SMG5: variants seen among roughly 807,000 people sequenced by gnomAD.
SMG5 encodes SMG5 nonsense mediated mRNA decay factor, also known as nonsense-mediated mRNA decay factor SMG5.
A neutral mutation model predicts 122.9 loss-of-function variants in SMG5; 53 were observed. That is an observed-to-expected ratio of 0.43 (90% confidence interval 0.35 to 0.54). SMG5 has a LOEUF of 0.54. SMG5 is among the 20% of genes least tolerant of loss of function. The pLI is 0.01. For missense variants in SMG5, 1,153 were observed against 1,285.6 expected, an observed-to-expected ratio of 0.90 and a Z score of 1.58; for synonymous variants, 477 against 490.2, an observed-to-expected ratio of 0.97 and a Z score of 0.35.
At chr1:156,254,499 A>G (rs1661488594) in intron 16 of SMG5, among the ~76,000 whole-genome samples, 2 of 152,132 alleles carry the variant, frequency 1.3e-5, no homozygotes, top group African/African-American at 4.8e-5. Flanking sequence ...GCTGGAGTGC[A>G]GTGCCACAAT....
At chr1:156,276,540 T>C (rs1039381042) in intron 4 of SMG5, among the ~76,000 whole-genome samples, 2 of 152,164 alleles carry the variant, frequency 1.3e-5, no homozygotes, top group African/African-American at 4.8e-5. Flanking sequence ...GTCTTGGTGA[T>C]GAAGGGGACA....
Position 156,277,942 on chromosome 1 carries a change from T to C in SMG5, c.280A>G (p.Ile94Val), listed in dbSNP as rs763394947. 6.2e-6 allele frequency: 10 copies of C among 1,613,988 alleles called. No homozygotes were observed. The highest frequency in any genetic ancestry group is 4.0e-5 in the African/African-American group (3 of 74,944). ...RKVYYEVIQL[I>V]KTNKKHIHSR... ...CCCCTTACCTTTTTGTTAGTCTTGA[T>C]AAGCTGGATAACTTCATAGTATACC... Residue 94 changes from isoleucine (I) to valine (V), a missense_variant, in exon 3 of 22, where the codon ATC becomes GTC. Ile to Val is a conservative substitution (Grantham distance 29). This residue lies in a region of SMG5 where 213 missense variants were observed against 197.5 expected (regional missense o/e 1.08). Transcript: ENST00000361813.
At chr1:156,264,757 G>T (rs12058368) in intron 12 of SMG5, among the ~76,000 whole-genome samples, 1 of 152,066 alleles carries the variant, frequency 6.6e-6, no homozygotes, top group Non-Finnish European at 1.5e-5. Flanking sequence ...TAGGTGTGGC[G>T]GCTCACACCT....
upstream of SMG5, chr1:156,285,894 C>T (rs368037092): frequency 4.1e-5 from 66 of 1,613,864 alleles, no homozygotes; most frequent in Middle Eastern, 1.6e-4. Flanking sequence ...GCCTTCCTGC[C>T]GTTTGATGTC....
intron 1 of SMG5, among the ~76,000 whole-genome samples, chr1:156,281,753 T>C (rs1314757736): frequency 6.6e-6 from 1 of 152,174 alleles, no homozygotes; most frequent in Admixed American, 6.5e-5. Context: ...CTTCATCCTA[T>C]TTTGACCCAG....
intron 16 of SMG5, 55 bp from the exon 17 acceptor site, chr1:156,253,563 T>C: frequency 1.3e-6 from 2 of 1,556,018 alleles, no homozygotes; most frequent in Non-Finnish European, 1.8e-6. Context: ...CCTTCTCCAG[T>C]GATCAGGAAG....
At chr1:156,265,639 C>G in intron 12 of SMG5, 142 bp downstream of exon 12, 2 of 1,276,170 alleles carry the variant, frequency 1.6e-6, no homozygotes, top group Non-Finnish European at 2.2e-6. Flanking sequence ...GGAAAAAACT[C>G]ATGGGCTACA....
At chr1:156,290,901 G>C in the SMG5 span, 2 of 156,152 alleles carry the variant, frequency 1.3e-5, no homozygotes, top group African/African-American at 4.8e-5. Flanking sequence ...TGCCTGGGGT[G>C]GGGGTGGGGG....
At chr1:156,275,727 CT>C (rs5777974) in intron 4 of SMG5, among the ~76,000 whole-genome samples, 1 of 151,474 alleles carries the variant, frequency 6.6e-6, no homozygotes, top group African/African-American at 2.4e-5. Flanking sequence ...TTGAAGTGAT[CT>C]TTTTTTTAAA....
chr1:156,260,468 G>C lies in SMG5; in HGVS notation c.2266C>G (p.Leu756Val). The C allele has an allele frequency of 6.3e-7, 1 of 1,597,468 alleles. No homozygotes were observed. The highest frequency in any genetic ancestry group is 1.1e-5 in the South Asian group (1 of 88,370). Residue 756 changes from leucine to valine, a missense_variant, in exon 15 of 22, where the codon CTC becomes GTC. By Grantham distance (32) the Leu-to-Val change is conservative (BLOSUM62 1). Around this residue, in one of 5 missense-constraint regions of SMG5, gnomAD observed 631 missense variants for 650.6 expected, o/e 0.97. Transcript: ENST00000361813. ...RFNFDTDRPL[L>V]STLEESVVRI... is the part of the protein sequence containing the mutation. ...ATCCTTACCTCCTCTAAGGTGCTGA[G>C]CAGGGGCCGATCCGTGTCAAAGTTA...
intron 12 of SMG5, among the ~76,000 whole-genome samples, chr1:156,263,811 G>C (rs1661980488): frequency 1.3e-5 from 2 of 152,130 alleles, no homozygotes; most frequent in Admixed American, 1.3e-4. Flanking sequence ...AAAATATGGT[G>C]CCTTTTAAAT....
chr1:156,285,406 G>T, upstream of SMG5: 1 of 1,604,270 alleles, frequency 6.2e-7, no homozygotes. Flanking sequence ...CAGCCATAGA[G>T]GGGGCTGAGG....
At chr1:156,262,922 G>C (rs908690728) in intron 13 of SMG5, among the ~76,000 whole-genome samples, 2 of 152,206 alleles carry the variant, frequency 1.3e-5, no homozygotes, top group Non-Finnish European at 2.9e-5. Flanking sequence ...GCCCCACCCA[G>C]CCTCCATGGC....
chr1:156,263,315 GA>G, intron 13 of SMG5, 79 bp downstream of exon 13: 2 of 1,472,874 alleles, frequency 1.4e-6, no homozygotes, highest in Non-Finnish European at 9.2e-7. Context: ...CATCAGGGGG[GA>G]TCCTCAGGCC....
chr1:156,272,399 C>T lies in SMG5; in HGVS notation c.635-1G>A. ...GTGCCCAGCTGATTGAAGGGCATTC[C>T]TAGGGAGAAAGAGAATTCATGCAGT... On this transcript the variant is annotated splice_acceptor_variant, in intron 6 of 21. Coordinates refer to ENST00000361813, the MANE Select transcript of SMG5 (RefSeq NM_015327.3). LOFTEE classifies it high-confidence loss of function. 1 of 1,598,920 alleles carries T rather than the reference C, an allele frequency of 6.3e-7. No individual in the cohort carries two copies.
In SMG5 at chr1:156,269,162, G is replaced by C. The variant is rs140894208; in HGVS notation, c.714-747C>G. 8.0e-3 allele frequency among the ~76,000 whole-genome samples: 1,222 copies of C among 152,090 alleles called. 15 individuals are homozygous for C. The highest frequency in any genetic ancestry group is 0.028 in the African/African-American group (1,168 of 41,480). Reference sequence around the variant, plus strand: ...TTTTTGTATTTTTAGTAGAGACGGGGTTTCACCATGTTGGCCAGACTGGTC... The same window carrying C: ...TTTTTGTATTTTTAGTAGAGACGGGCTTTCACCATGTTGGCCAGACTGGTC... On this transcript the variant is annotated intron_variant, in intron 7 of 21. Transcript: ENST00000361813.
chr1:156,273,529 CTG>C, intron 5 of SMG5, 79 bp from the exon 6 acceptor site: 1 of 1,351,776 alleles, frequency 7.4e-7, no homozygotes, highest in Non-Finnish European at 1.0e-6. Context: ...GGAGTCCACT[CTG>C]AGAGTGGTAA....
At chr1:156,286,568 G>C (rs186318568), upstream of SMG5, 18 of 1,293,706 alleles carry the variant, frequency 1.4e-5, no homozygotes, top group Middle Eastern at 3.9e-4. Flanking sequence ...GGAGCTTTCC[G>C]GATTCTACAC....
intron 13 of SMG5, among the ~76,000 whole-genome samples, chr1:156,262,085 C>T (rs771539881): frequency 3.9e-5 from 6 of 151,926 alleles, no homozygotes; most frequent in African/African-American, 9.7e-5. Flanking sequence ...AAGCCACATT[C>T]GGACTGGCTC....
Sources: gnomAD v4.1 joint callset for allele counts (sites outside exome capture counted in the v4.1 genomes callset) on GRCh38, gnomAD v4.1.1 for gene constraint, gnomAD v4.1.1 regional missense constraint, MANE v1.5 for transcripts, NCBI Gene and HGNC (gene_info 2026-07-23, HGNC 2026-07-21) for gene names.